BMS1: variants seen among roughly 807,000 people sequenced by gnomAD.
The protein encoded by BMS1 is BMS1 ribosome biogenesis factor.
A neutral mutation model predicts 138.7 loss-of-function variants in BMS1; 53 were observed. The ratio of observed to expected loss-of-function variants is 0.38; its 90% CI spans 0.31 to 0.48. The LOEUF is 0.48. Among genes scored for constraint, BMS1 ranks in the 20% least tolerant of loss-of-function variants. BMS1 has a pLI of 0.97. For synonymous variants in BMS1, 504 were observed against 539.9 expected, an observed-to-expected ratio of 0.93 and a Z score of 0.92; for missense variants, 1,360 against 1,565.5, an observed-to-expected ratio of 0.87 and a Z score of 2.22.
At chr10:42,812,109 GA>G (rs1488011290) in intron 13 of BMS1, among the ~76,000 whole-genome samples, 11 of 152,184 alleles carry the variant, frequency 7.2e-5, no homozygotes, top group Non-Finnish European at 1.5e-5. Flanking sequence ...GTGTTATACG[GA>G]TGTCAGATTT....
intron 12 of BMS1, among the ~76,000 whole-genome samples, chr10:42,798,978 A>C (rs1273230658): frequency 6.6e-6 from 1 of 152,198 alleles, no homozygotes; most frequent in Admixed American, 6.5e-5. Context: ...AGTTTCTGCT[A>C]TTTGTAAGCA....
intron 13 of BMS1, among the ~76,000 whole-genome samples, chr10:42,807,574 G>T (rs993455583): frequency 6.6e-6 from 1 of 152,092 alleles, no homozygotes; most frequent in African/African-American, 2.4e-5. Flanking sequence ...AGGCTCAAGT[G>T]ATCTTCCCAC....
intron 1 of BMS1, among the ~76,000 whole-genome samples, chr10:42,783,810 G>A (rs1268609979): frequency 6.6e-6 from 1 of 152,082 alleles, no homozygotes; most frequent in East Asian, 1.9e-4. Flanking sequence ...GAGTCAACAG[G>A]TACTAAAAGT....
In BMS1 at chr10:42,784,471, T is replaced by G; in HGVS notation, c.77T>G (p.Leu26Arg). 6.2e-7 allele frequency: 1 copy of G among 1,613,960 alleles called. No individual in the cohort carries two copies. The highest frequency in any genetic ancestry group is 2.2e-5 in the East Asian group (1 of 44,888). Residue 26 changes from leucine to arginine, a missense_variant, in exon 2 of 23, where the codon CTG becomes CGG. This residue lies in a region of BMS1 where 238 missense variants were observed against 311.1 expected (regional missense o/e 0.77). Coordinates refer to ENST00000374518, the MANE Select transcript of BMS1 (RefSeq NM_014753.4). ...GCTGCAAAGAAAAAGAAGCGGCTTC[T>G]GCAGGATCTCCAGCTAGGAGACGAA... ...PKAAKKKKRL[L>R]QDLQLGDEED...
chr10:42,831,230 G>A lies in BMS1; in HGVS notation c.*134G>A. ...GTCTCTACTCAAACTGTGCCTGCAGGAGGAGGAACAGAGAAGCCTGGGCTG... is the reference window on the plus strand; with the variant it reads ...GTCTCTACTCAAACTGTGCCTGCAGAAGGAGGAACAGAGAAGCCTGGGCTG... On this transcript the variant is annotated 3_prime_UTR_variant, in exon 23 of 23. Transcript: ENST00000374518. The A allele has an allele frequency of 4.1e-6, 4 of 969,910 alleles. No homozygotes were observed. In the South Asian group the frequency reaches 7.1e-5, roughly 17 times the overall value. 60.1% of individuals were successfully genotyped at this position (969,910 alleles called of 1,614,324 possible). A position where few individuals can be genotyped will look rare whatever the true frequency, so the allele number is the denominator to read the frequency against.
chr10:42,790,508 C>G lies in BMS1; in HGVS notation c.633C>G (p.Tyr211Ter), dbSNP rs1273189491. The G allele has an allele frequency of 6.2e-7, 1 of 1,613,594 alleles. No homozygotes were observed. Residue 211 changes from tyrosine to a stop codon, truncating the protein, a stop_gained, in exon 5 of 23, where the codon TAC becomes TAG. Coordinates refer to ENST00000374518, the MANE Select transcript of BMS1 (RefSeq NM_014753.4). LOFTEE classifies it high-confidence loss of function. ...RLKHRFWTEV[Y>*]PGAKLFYLSG... The stretch of plus-strand genomic sequence containing the variant: ...AACACAGGTTCTGGACGGAAGTTTA[C>G]CCGGTACGAAGAGAAATAATTGTTG...
At chr10:42,788,174 AT>A (rs1459283801) in intron 4 of BMS1, among the ~76,000 whole-genome samples, 3 of 152,334 alleles carry the variant, frequency 2.0e-5, no homozygotes, top group Admixed American at 2.0e-4. Context: ...AATTTTGAAC[AT>A]GTAATGTTAA....
At chr10:42,785,783 G>A (rs1841309313) in intron 3 of BMS1, 111 bp downstream of exon 3, 1 of 1,236,280 alleles carries the variant, frequency 8.1e-7, no homozygotes, top group African/African-American at 1.5e-5. Flanking sequence ...TCATATCATG[G>A]GACTTCTCTT....
Position 42,790,358 on chromosome 10 carries a change from A to G in BMS1, c.483A>G (p.Glu161=). ...TTATAGATGCCAGCTTTGGGTTTGA[A>G]ATGGAAACGTTTGAGTTTCTAAACA... ...LMLIDASFGF[E]METFEFLNIC... Residue 161 remains glutamate (E), a synonymous_variant, in exon 5 of 23, where the codon GAA becomes GAG. Transcript: ENST00000374518. 1.9e-6 allele frequency: 3 copies of G among 1,613,904 alleles called. No homozygotes were observed. Among genetic ancestry groups the G allele is most frequent in the Non-Finnish European group, 2.5e-6 (3 of 1,179,852 alleles).
intron 13 of BMS1, among the ~76,000 whole-genome samples, chr10:42,812,607 G>A (rs1325658904): frequency 6.6e-6 from 1 of 152,212 alleles, no homozygotes; most frequent in Admixed American, 6.5e-5. Context: ...CACGACACCT[G>A]GCGTGGATGG....
chr10:42,785,914 C>T (rs1730634752), intron 3 of BMS1, among the ~76,000 whole-genome samples: 1 of 152,130 alleles, frequency 6.6e-6, no homozygotes, highest in African/African-American at 2.4e-5. Context: ...GGAAGATACT[C>T]GAACCCAGCA....
chr10:42,827,553 C>T (rs1010654629), intron 21 of BMS1, among the ~76,000 whole-genome samples: 12 of 152,168 alleles, frequency 7.9e-5, no homozygotes, highest in Non-Finnish European at 1.5e-4. Context: ...TGGGGCACAA[C>T]GTCAGTTCCT....
chr10:42,818,626 G>T (rs1482783194), intron 15 of BMS1, among the ~76,000 whole-genome samples: 1 of 152,250 alleles, frequency 6.6e-6, no homozygotes. Flanking sequence ...GAAACCCTCT[G>T]CAGATGCAGT....
At chr10:42,783,466 C>G (rs1388497385) in intron 1 of BMS1, among the ~76,000 whole-genome samples, 1 of 152,196 alleles carries the variant, frequency 6.6e-6, no homozygotes, top group Non-Finnish European at 1.5e-5. Flanking sequence ...TATCCACTTA[C>G]TGGCACAGTG....
At chr10:42,807,359 G>C (rs1336484619) in intron 13 of BMS1, among the ~76,000 whole-genome samples, 2 of 152,120 alleles carry the variant, frequency 1.3e-5, no homozygotes, top group Admixed American at 1.3e-4. Flanking sequence ...ATTCAAGTTG[G>C]TGCATATACC....
chr10:42,823,804 T>G lies in BMS1; in HGVS notation c.3456+20T>G, dbSNP rs764411078. The stretch of plus-strand genomic sequence containing the variant: ...TATAAGGTACTGGTCGCGTGTGTGT[T>G]AGTGGAGATGAAGCCTGTGCTCTAC... On this transcript the variant is annotated intron_variant, in intron 21 of 22. Transcript: ENST00000374518. The G allele has an allele frequency of 6.6e-7, 1 of 1,520,042 alleles. No homozygotes were observed. The highest frequency in any genetic ancestry group is 8.8e-7 in the Non-Finnish European group (1 of 1,142,640). 94.2% of individuals were successfully genotyped at this position (1,520,042 alleles called of 1,614,324 possible).
At chr10:42,819,973 G>A (rs1372094911) in intron 15 of BMS1, among the ~76,000 whole-genome samples, 3 of 152,086 alleles carry the variant, frequency 2.0e-5, no homozygotes, top group Non-Finnish European at 4.4e-5. Flanking sequence ...GGTATTTTTA[G>A]TAGAGACGGG....
chr10:42,815,609 T>C (rs999412729), intron 13 of BMS1, among the ~76,000 whole-genome samples: 1 of 152,188 alleles, frequency 6.6e-6, no homozygotes, highest in African/African-American at 2.4e-5. Flanking sequence ...TCACCCAGGC[T>C]GGAGTTCAGT....
intron 21 of BMS1, among the ~76,000 whole-genome samples, chr10:42,826,634 A>T (rs1197683330): frequency 3.3e-5 from 5 of 152,214 alleles, no homozygotes; most frequent in Non-Finnish European, 4.4e-5. Flanking sequence ...CCAAGGAAGC[A>T]GGGTTCTACA....
Sources: allele counts gnomAD v4.1 joint callset (sites outside exome capture counted in the v4.1 genomes callset), GRCh38; gene constraint gnomAD v4.1.1; regional missense constraint gnomAD v4.1.1; transcripts MANE v1.5; gene names NCBI Gene and HGNC (gene_info 2026-07-23, HGNC 2026-07-21).